The following RHD variants were observed in gnomAD, a reference collection of about 807,000 sequenced individuals.
The protein encoded by RHD is blood group Rh(D) polypeptide.
In RHD, 16 loss-of-function variants were observed where a neutral mutation model predicts 45.5. The observed-to-expected ratio is 0.35, with a 90% CI of 0.24 to 0.53. The LOEUF (loss-of-function observed/expected upper bound fraction) is 0.53, where lower values mean the gene tolerates loss of function less well. Ranked by LOEUF, RHD falls within the 20% of genes least tolerant of loss-of-function variation. RHD has a pLI of 0.92. For synonymous variants in RHD, 131 were observed against 217.5 expected, an observed-to-expected ratio of 0.60 and a Z score of 3.50; for missense variants, 306 against 532.0, an observed-to-expected ratio of 0.58 and a Z score of 4.18.
In RHD at chr1:25,316,108, G is replaced by A. The variant is rs978539273; in HGVS notation, c.1074-892G>A. On this transcript the variant is annotated intron_variant, in intron 7 of 9. Coordinates refer to ENST00000328664, the MANE Select transcript of RHD (RefSeq NM_016124.6). ...GTGAACGGGCTGGCAGTGCCCAGGT[G>A]CAGGCTGAACCCTGGGACAATCACA... 1.4e-4 allele frequency among the ~76,000 whole-genome samples: 18 copies of A among 131,454 alleles called. 4 individuals carry two copies. Among genetic ancestry groups the A allele is most frequent in the Middle Eastern group, 8.1e-3 (2 of 248 alleles). The allele number at this position is 131,454 out of a possible 152,430, so 86.2% of individuals were successfully genotyped here.
intron 1 of RHD, among the ~76,000 whole-genome samples, chr1:25,277,799 C>T (rs189106045): frequency 0.011 from 1,374 of 121,832 alleles, 161 homozygotes; most frequent in African/African-American, 0.036. Context: ...CTCAGCCTCC[C>T]GAGTAGCTGG....
intron 1 of RHD, among the ~76,000 whole-genome samples, chr1:25,277,494 T>C (rs1641113560): frequency 7.5e-6 from 1 of 133,388 alleles, no homozygotes; most frequent in African/African-American, 2.6e-5. Context: ...TGCATGAAAG[T>C]TCGAGAATTC....
chr1:25,306,402 C>G (rs1643839221), intron 6 of RHD, among the ~76,000 whole-genome samples, 194 bp from the exon 7 acceptor site: 2 of 131,888 alleles, frequency 1.5e-5, no homozygotes, highest in South Asian at 4.6e-4. Context: ...CCCACATCCA[C>G]TAAAGCCAGC....
chr1:25,305,694 G>A lies in RHD; in HGVS notation c.940-902G>A, dbSNP rs544565648. Reference sequence around the variant, plus strand: ...CAGCTTACTGCAAGCTCCGCCTCCCGGGTTCACACCATTCTCCTGCCTCAG... The same window carrying A: ...CAGCTTACTGCAAGCTCCGCCTCCCAGGTTCACACCATTCTCCTGCCTCAG... On this transcript the variant is annotated intron_variant, in intron 6 of 9. Transcript: ENST00000328664. Among the ~76,000 whole-genome samples, 16 of 129,708 alleles carry A rather than the reference G, an allele frequency of 1.2e-4. 2 individuals carry two copies. The highest frequency in any genetic ancestry group is 1.2e-3 in the East Asian group (6 of 5,092). 85.1% of individuals were successfully genotyped at this position (129,708 alleles called of 152,430 possible). A position where few individuals can be genotyped will look rare whatever the true frequency, so the allele number is the denominator to read the frequency against.
In RHD at chr1:25,318,949, T is replaced by G. The variant is rs1444924241; in HGVS notation, c.1153+1870T>G. Among the ~76,000 whole-genome samples, 8 of 133,360 alleles carry G rather than the reference T, an allele frequency of 6.0e-5. 2 individuals carry two copies. The highest frequency in any genetic ancestry group is 2.0e-4 in the African/African-American group (8 of 39,242). The allele number at this position is 133,360 out of a possible 152,430, so 87.5% of individuals were successfully genotyped here. A position where few individuals can be genotyped will look rare whatever the true frequency, so the allele number is the denominator to read the frequency against. ...CTGGCCTTAGCTTTTTGCAGAGTCT[T>G]TGTGAAGAAGCAGAGGCGGAGTAGC... On this transcript the variant is annotated intron_variant, in intron 8 of 9. Transcript: ENST00000328664.
rs1436775287 is a variant in RHD, at chr1:25,309,743, A to G, written c.1073+3014A>G. 2.3e-5 allele frequency among the ~76,000 whole-genome samples: 3 copies of G among 131,432 alleles called. 1 individual carries two copies. The highest frequency in any genetic ancestry group is 5.4e-5 in the Non-Finnish European group (3 of 55,588). 86.2% of individuals were successfully genotyped at this position (131,432 alleles called of 152,430 possible). On this transcript the variant is annotated intron_variant, in intron 7 of 9. Coordinates refer to ENST00000328664, the MANE Select transcript of RHD (RefSeq NM_016124.6). ...ATTGGAATTCTTGGTTCACTTCCCTAACCTGAACTTGCCCTCTGTGAAATA... is the reference window on the plus strand; with the variant it reads ...ATTGGAATTCTTGGTTCACTTCCCTGACCTGAACTTGCCCTCTGTGAAATA...
rs1290896486 is a variant in RHD, at chr1:25,305,971, T to A, written c.940-625T>A. ...CAGCCTGATTGAATTTGCATATGTG[T>A]CCACATCTGCTGGCTCACGGCTGTG... On this transcript the variant is annotated intron_variant, in intron 6 of 9. Coordinates refer to ENST00000328664, the MANE Select transcript of RHD (RefSeq NM_016124.6). Among the ~76,000 whole-genome samples the A allele has an allele frequency of 2.3e-5, 3 of 132,026 alleles. 1 individual carries two copies. Among genetic ancestry groups the A allele is most frequent in the Non-Finnish European group, 5.4e-5 (3 of 55,948 alleles). The allele number at this position is 132,026 out of a possible 152,430, so 86.6% of individuals were successfully genotyped here.
chr1:25,302,332 C>T (rs1211902759), intron 5 of RHD, among the ~76,000 whole-genome samples: 1 of 128,440 alleles, frequency 7.8e-6, no homozygotes, highest in Non-Finnish European at 1.8e-5. Flanking sequence ...GAAGGGGCTC[C>T]AGCTGGTGGT....
At position 25,287,867 on chromosome 1, in the gene RHD, C is replaced by A. The variant is rs532040548; in HGVS notation, c.336-2774C>A. Among the ~76,000 whole-genome samples, 8 of 115,946 alleles carry A rather than the reference C, an allele frequency of 6.9e-5. No individual in the cohort carries two copies. In the East Asian group the frequency reaches 1.6e-3, roughly 23 times the overall value. The allele number at this position is 115,946 out of a possible 152,430, so 76.1% of individuals were successfully genotyped here. A position where few individuals can be genotyped will look rare whatever the true frequency, so the allele number is the denominator to read the frequency against. ...CTCCTGAGTTAAATTTTTTTACAGG[C>A]GCCTGCTACCATGCCCTGCTAATTT... On this transcript the variant is annotated intron_variant, in intron 2 of 9. Coordinates refer to ENST00000328664, the MANE Select transcript of RHD (RefSeq NM_016124.6).
Position 25,300,939 on chromosome 1 carries a change from A to C in RHD, c.487-7A>C. On this transcript the variant is annotated splice_polypyrimidine_tract_variant and splice_region_variant and intron_variant, in intron 3 of 9. Coordinates refer to ENST00000328664, the MANE Select transcript of RHD (RefSeq NM_016124.6). ...ACACTCACTGCTCTTACTGGGTTTT[A>C]TTGCAGACAGACTACCACATGAACA... The C allele has an allele frequency of 1.5e-6, 2 of 1,377,742 alleles. No individual in the cohort carries two copies. Among genetic ancestry groups the C allele is most frequent in the Non-Finnish European group, 2.0e-6 (2 of 977,918 alleles). The allele number at this position is 1,377,742 out of a possible 1,614,324, so 85.3% of individuals were successfully genotyped here.
At chr1:25,289,275 A>T (rs1374009346) in intron 2 of RHD, among the ~76,000 whole-genome samples, 3 of 131,062 alleles carry the variant, frequency 2.3e-5, no homozygotes, top group African/African-American at 7.8e-5. Context: ...GCCCACTGAA[A>T]CCTCTGCCTC....
intron 7 of RHD, chr1:25,307,931 A>G: frequency 1.1e-6 from 1 of 875,106 alleles, no homozygotes; most frequent in Non-Finnish European, 1.8e-6. Context: ...AATTCTAAGC[A>G]GAACCTTTCC....
At position 25,300,842 on chromosome 1, in the gene RHD, G is replaced by C; in HGVS notation, c.487-104G>C. 2 of 1,229,390 alleles carry C rather than the reference G, an allele frequency of 1.6e-6. 1 individual carries two copies. Among genetic ancestry groups the C allele is most frequent in the South Asian group, 2.4e-5 (2 of 81,862 alleles). 76.2% of individuals were successfully genotyped at this position (1,229,390 alleles called of 1,614,324 possible). ...CTGAACACCAGTCTCATGGCTTCAA[G>C]TCACACCTCCTAAGTGAAGCTCTGA... is the stretch of plus-strand genomic sequence containing the variant. On this transcript the variant is annotated intron_variant, in intron 3 of 9. Transcript: ENST00000328664.
intron 7 of RHD, among the ~76,000 whole-genome samples, chr1:25,316,301 C>A (rs1408121817): frequency 1.5e-5 from 2 of 129,464 alleles, no homozygotes; most frequent in South Asian, 2.4e-4. Context: ...AGAAATAGAA[C>A]CTTCATCTTT....
intron 2 of RHD, among the ~76,000 whole-genome samples, chr1:25,285,256 G>A (rs147431019): frequency 6.0e-5 from 8 of 132,552 alleles, no homozygotes; most frequent in East Asian, 5.8e-4. Flanking sequence ...TGCCTCAGCC[G>A]CCTGAGTAGC....
rs537559238 is a variant in RHD, at chr1:25,282,457, A to T, written c.149-2116A>T. Among the ~76,000 whole-genome samples, 33 of 131,388 alleles carry T rather than the reference A, an allele frequency of 2.5e-4. 2 individuals carry two copies. The East Asian group carries it at 5.7e-3, about 23-fold the overall frequency. 86.2% of individuals were successfully genotyped at this position (131,388 alleles called of 152,430 possible). On this transcript the variant is annotated intron_variant, in intron 1 of 9. Transcript: ENST00000328664. ...ACCATGTTGGCCAGGCTAGTCTCGA[A>T]CTGCTGACTTCATGATCTGCCCACC...
rs1643849867 is a variant in RHD, at chr1:25,306,519, C to T, written c.940-77C>T. 6 of 1,289,428 alleles carry T rather than the reference C, an allele frequency of 4.7e-6. 1 individual carries two copies. The highest frequency in any genetic ancestry group is 6.7e-6 in the Non-Finnish European group (6 of 901,720). 79.9% of individuals were successfully genotyped at this position (1,289,428 alleles called of 1,614,324 possible). Reference sequence around the variant, plus strand: ...CATCCCCCTTTGGTGGCCCCGGATACCAAGGGTGTGTGAAAGGGGTGGGTA... The same window carrying T: ...CATCCCCCTTTGGTGGCCCCGGATATCAAGGGTGTGTGAAAGGGGTGGGTA... On this transcript the variant is annotated intron_variant, in intron 6 of 9. Transcript: ENST00000328664.
At chr1:25,314,293 T>G (rs1213921440) in intron 7 of RHD, among the ~76,000 whole-genome samples, 2 of 132,862 alleles carry the variant, frequency 1.5e-5, no homozygotes, top group African/African-American at 5.1e-5. Flanking sequence ...AACCTATTGT[T>G]TACATTTTGA....
In RHD at chr1:25,288,302, G is replaced by C. The variant is rs1413845702; in HGVS notation, c.336-2339G>C. On this transcript the variant is annotated intron_variant, in intron 2 of 9. Coordinates refer to ENST00000328664, the MANE Select transcript of RHD (RefSeq NM_016124.6). The stretch of plus-strand genomic sequence containing the variant: ...AAAAGTACTGGAATTACAGCCTCCT[G>C]AGTAGCTGAGACCACAGGCACACAC... 2.4e-5 allele frequency among the ~76,000 whole-genome samples: 3 copies of C among 127,414 alleles called. No individual in the cohort carries two copies. The East Asian group carries it at 5.9e-4, about 25-fold the overall frequency. The allele number at this position is 127,414 out of a possible 152,430, so 83.6% of individuals were successfully genotyped here. A position where few individuals can be genotyped will look rare whatever the true frequency, so the allele number is the denominator to read the frequency against.
Sources: allele counts gnomAD v4.1 joint callset (sites outside exome capture counted in the v4.1 genomes callset), GRCh38; gene constraint gnomAD v4.1.1; transcripts MANE v1.5; gene names NCBI Gene and HGNC (gene_info 2026-07-23, HGNC 2026-07-21).